CSNK1G1: variants seen among roughly 807,000 people sequenced by gnomAD.
The protein encoded by CSNK1G1 is casein kinase I isoform gamma-1.
Under a neutral mutation model 59.6 loss-of-function variants are expected in CSNK1G1, and 22 were observed. The ratio of observed to expected loss-of-function variants is 0.37; its 90% confidence interval spans 0.26 to 0.53. CSNK1G1 has a LOEUF of 0.53. Ranked by LOEUF, CSNK1G1 falls within the 20% of genes least tolerant of loss-of-function variation. The pLI is 0.89. For missense variants in CSNK1G1, 384 were observed against 519.5 expected (o/e 0.74, Z 2.54); for synonymous variants, 179 against 177.1 (o/e 1.01, Z -0.08).
rs548494702 is a variant in CSNK1G1, at chr15:64,246,660, G to T, written c.292+4852C>A. On this transcript the variant is annotated intron_variant, in intron 4 of 11. Transcript: ENST00000303052. The stretch of plus-strand genomic sequence containing the variant: ...AAAAAGGGGGGGGGGGAGGAATCTT[G>T]TCATTTTTTAATTTGAGGATTAGCT... 3.1e-3 allele frequency among the ~76,000 whole-genome samples: 445 copies of T among 144,116 alleles called. 2 individuals carry two copies. The highest frequency in any genetic ancestry group is 0.011 in the African/African-American group (434 of 39,234). The allele number at this position is 144,116 out of a possible 152,430, so 94.5% of individuals were successfully genotyped here.
chr15:64,273,078 G>A (rs1338192823), intron 2 of CSNK1G1, among the ~76,000 whole-genome samples: 2 of 152,172 alleles, frequency 1.3e-5, no homozygotes, highest in South Asian at 2.1e-4. Flanking sequence ...AAATCACAGT[G>A]TCCAAGAACC....
At chr15:64,332,511 C>A (rs1453535958) in intron 1 of CSNK1G1, among the ~76,000 whole-genome samples, 3 of 95,378 alleles carry the variant, frequency 3.1e-5, no homozygotes, top group Non-Finnish European at 5.9e-5. Context: ...ATATCACACT[C>A]TGGGGACTGT....
chr15:64,351,363 C>G (rs1220982348), intron 1 of CSNK1G1, among the ~76,000 whole-genome samples: 1 of 152,124 alleles, frequency 6.6e-6, no homozygotes, highest in East Asian at 1.9e-4. Context: ...CTAAAACTTT[C>G]TGAGGTCATC....
intron 2 of CSNK1G1, among the ~76,000 whole-genome samples, chr15:64,298,264 C>A (rs1049570558): frequency 7.2e-5 from 11 of 152,162 alleles, no homozygotes; most frequent in Admixed American, 2.0e-4. Flanking sequence ...TCTTCACTTT[C>A]ACAGAAATGA....
At chr15:64,205,830 T>A (rs2082171515) in intron 7 of CSNK1G1, among the ~76,000 whole-genome samples, 1 of 152,188 alleles carries the variant, frequency 6.6e-6, no homozygotes, top group Non-Finnish European at 1.5e-5. Flanking sequence ...GAGAGGAATT[T>A]AAGAGTGAAG....
chr15:64,259,278 T>C, intron 2 of CSNK1G1, 37 bp from the exon 3 acceptor site: 2 of 1,520,038 alleles, frequency 1.3e-6, no homozygotes, highest in East Asian at 2.3e-5. Flanking sequence ...TTTAGTGACA[T>C]TTATTCTGGG....
Position 64,354,740 on chromosome 15 carries a change from A to G in CSNK1G1, c.-225+1248T>C, listed in dbSNP as rs549265553. 3.9e-5 allele frequency among the ~76,000 whole-genome samples: 6 copies of G among 152,286 alleles called. No individual in the cohort carries two copies. The East Asian group carries it at 9.6e-4, about 24-fold the overall frequency. ...CAAAGGTGGTTCCGTTTAAAATGGG[A>G]TGTTACTTATAATACAGGTAAGAAT... On this transcript the variant is annotated intron_variant, in intron 1 of 11. Transcript: ENST00000303052.
intron 4 of CSNK1G1, among the ~76,000 whole-genome samples, chr15:64,248,853 G>C (rs1417929211): frequency 6.6e-6 from 1 of 152,040 alleles, no homozygotes; most frequent in Non-Finnish European, 1.5e-5. Flanking sequence ...AGGCGTGGTG[G>C]CTCACGCCTG....
chr15:64,322,903 C>A (rs1423486804), intron 1 of CSNK1G1, among the ~76,000 whole-genome samples: 1 of 151,596 alleles, frequency 6.6e-6, no homozygotes, highest in Non-Finnish European at 1.5e-5. Flanking sequence ...TTGTAAAATG[C>A]ACTGCACTTT....
intron 1 of CSNK1G1, among the ~76,000 whole-genome samples, chr15:64,342,193 A>C (rs1319873445): frequency 6.6e-6 from 1 of 152,224 alleles, no homozygotes; most frequent in African/African-American, 2.4e-5. Flanking sequence ...CTTTAGAGGC[A>C]GAGATTCTTG....
chr15:64,287,711 G>T lies in CSNK1G1; in HGVS notation c.181+12608C>A, dbSNP rs1894504505. The stretch of plus-strand genomic sequence containing the variant: ...TAACTCATTCTCTTTTATGAAGATG[G>T]TTAAAGGAATGACAAATCTACTTAA... On this transcript the variant is annotated intron_variant, in intron 2 of 11. Coordinates refer to ENST00000303052, the MANE Select transcript of CSNK1G1 (RefSeq NM_022048.5). Among the ~76,000 whole-genome samples, 3 of 152,122 alleles carry T rather than the reference G, an allele frequency of 2.0e-5. No homozygotes were observed. In the South Asian group the frequency reaches 6.2e-4, roughly 32 times the overall value.
intron 4 of CSNK1G1, among the ~76,000 whole-genome samples, chr15:64,228,158 C>T (rs2082486976): frequency 6.6e-6 from 1 of 152,142 alleles, no homozygotes; most frequent in African/African-American, 2.4e-5. Context: ...ATCTTTTCAC[C>T]TTTCCTGTCC....
intron 3 of CSNK1G1, among the ~76,000 whole-genome samples, chr15:64,258,052 T>A (rs953606826): frequency 1.3e-5 from 2 of 152,058 alleles, no homozygotes; most frequent in African/African-American, 4.8e-5. Flanking sequence ...CCCTAACTCC[T>A]CCACAAGCAA....
intron 2 of CSNK1G1, among the ~76,000 whole-genome samples, chr15:64,267,533 T>A (rs991817542): frequency 6.6e-6 from 1 of 151,924 alleles, no homozygotes; most frequent in African/African-American, 2.4e-5. Context: ...AAGAAGACAT[T>A]CAAATGGCTA....
chr15:64,231,796 A>G (rs1351535967), intron 4 of CSNK1G1, among the ~76,000 whole-genome samples: 1 of 152,210 alleles, frequency 6.6e-6, no homozygotes, highest in East Asian at 1.9e-4. Context: ...AAAAATATAT[A>G]TAACATTCTA....
At chr15:64,334,322 A>C (rs947236137) in intron 1 of CSNK1G1, among the ~76,000 whole-genome samples, 12 of 151,994 alleles carry the variant, frequency 7.9e-5, no homozygotes, top group Non-Finnish European at 1.3e-4. Flanking sequence ...CCAGCCTAAA[A>C]TCTTTTATCT....
chr15:64,300,806 C>T, intron 1 of CSNK1G1, 83 bp from the exon 2 acceptor site: 1 of 895,564 alleles, frequency 1.1e-6, no homozygotes, highest in South Asian at 5.3e-5. Flanking sequence ...AGAATGAATC[C>T]TATCCAAAGG....
At chr15:64,304,168 A>T (rs1192716222) in intron 1 of CSNK1G1, among the ~76,000 whole-genome samples, 3 of 152,018 alleles carry the variant, frequency 2.0e-5, no homozygotes, top group African/African-American at 7.2e-5. Flanking sequence ...TGGGCAGATC[A>T]CCTGAGGTCA....
At chr15:64,260,224 C>T (rs62021609) in intron 2 of CSNK1G1, among the ~76,000 whole-genome samples, 19,010 of 152,100 alleles carry the variant, frequency 0.12, 2,049 homozygotes, top group African/African-American at 0.3. Context: ...TCTCAATACC[C>T]TATGGTGCTT....
Sources: gnomAD v4.1 joint callset for allele counts (sites outside exome capture counted in the v4.1 genomes callset) on GRCh38, gnomAD v4.1.1 for gene constraint, MANE v1.5 for transcripts, NCBI Gene and HGNC (gene_info 2026-07-23, HGNC 2026-07-21) for gene names.